The following SLC35F1 variants were observed in gnomAD, a reference collection of about 807,000 sequenced individuals.
The protein encoded by SLC35F1 is chromosome 6 open reading frame 169.
A neutral mutation model predicts 48.7 loss-of-function variants in SLC35F1; 14 were observed. The observed-to-expected ratio is 0.29, with a 90% CI of 0.19 to 0.45. The LOEUF (loss-of-function observed/expected upper bound fraction) is 0.45. Ranked by LOEUF, SLC35F1 falls within the 20% of genes least tolerant of loss-of-function variation. The probability of loss-of-function intolerance (pLI) is 1.00; values close to 1 mark genes in which losing one functional copy is unlikely to be tolerated. For missense variants in SLC35F1, 404 were observed against 500.0 expected (o/e 0.81, Z 1.83); for synonymous variants, 190 against 202.2 (o/e 0.94, Z 0.51).
intron 1 of SLC35F1, among the ~76,000 whole-genome samples, chr6:118,098,994 G>A (rs1773218658): frequency 6.6e-6 from 1 of 152,058 alleles, no homozygotes; most frequent in Admixed American, 6.5e-5. Context: ...AATGATGAAT[G>A]TTAGTGTTGG....
Position 117,907,313 on chromosome 6 carries a change from G to A in SLC35F1, c.-414G>A, listed in dbSNP as rs1205941787. Among the ~76,000 whole-genome samples, 1 of 150,826 alleles carries A rather than the reference G, an allele frequency of 6.6e-6. No individual in the cohort carries two copies. The highest frequency in any genetic ancestry group is 1.5e-5 in the Non-Finnish European group (1 of 67,672). ...CGGGGCACAGGCTGAGGCGGCGCCA[G>A]CACAACTGCCGCCGCGCGCCCCGAG... On this transcript the variant is annotated 5_prime_UTR_variant, in exon 1 of 8. Coordinates refer to ENST00000360388, the MANE Select transcript of SLC35F1 (RefSeq NM_001029858.4).
At chr6:118,116,120 C>T (rs1212123261) in intron 1 of SLC35F1, among the ~76,000 whole-genome samples, 1 of 152,108 alleles carries the variant, frequency 6.6e-6, no homozygotes, top group Admixed American at 6.6e-5. Context: ...TGTATAGTGC[C>T]CCCAAGTGCT....
rs1554216681 is a variant in SLC35F1, at chr6:117,923,651, G to GTACATATA, written c.173+15759_173+15760insATACATAT. Reference sequence around the variant, plus strand: ...TACATATATGTACATATGTACATATGTACATATGTATATATACATATATGT... The same window carrying GTACATATA: ...TACATATATGTACATATGTACATATGTACATATATACATATGTATATATACATATATGT... On this transcript the variant is annotated intron_variant, in intron 1 of 7. Coordinates refer to ENST00000360388, the MANE Select transcript of SLC35F1 (RefSeq NM_001029858.4). Among the ~76,000 whole-genome samples the GTACATATA allele has an allele frequency of 2.1e-3, 36 of 17,496 alleles. 4 individuals are homozygous for GTACATATA. The South Asian group carries it at 0.03, about 14-fold the overall frequency. The allele number at this position is 17,496 out of a possible 152,430, so 11.5% of individuals were successfully genotyped here.
chr6:118,050,028 T>C (rs1772363771), intron 1 of SLC35F1, among the ~76,000 whole-genome samples: 1 of 152,158 alleles, frequency 6.6e-6, no homozygotes, highest in South Asian at 2.1e-4. Flanking sequence ...TGGAATACTA[T>C]GCAGCCATAA....
chr6:118,068,945 A>G (rs968296327), intron 1 of SLC35F1, among the ~76,000 whole-genome samples: 3 of 152,200 alleles, frequency 2.0e-5, no homozygotes, highest in African/African-American at 7.2e-5. Context: ...ATCAATTAAA[A>G]GAAAAATATT....
rs146158362 is a variant in SLC35F1 at position 118,062,471 on chromosome 6, G to A, written c.174-91974G>A. ...ATAATAATTACATCATGGAGAATGGGATATCCACCCCCTCAAGCATTTATC... is the reference window on the plus strand; with the variant it reads ...ATAATAATTACATCATGGAGAATGGAATATCCACCCCCTCAAGCATTTATC... On this transcript the variant is annotated intron_variant, in intron 1 of 7. Coordinates refer to ENST00000360388, the MANE Select transcript of SLC35F1 (RefSeq NM_001029858.4). Among the ~76,000 whole-genome samples, 1,158 of 152,186 alleles carry A rather than the reference G, an allele frequency of 7.6e-3. 13 individuals carry two copies. The highest frequency in any genetic ancestry group is 0.024 in the Middle Eastern group (7 of 294).
chr6:118,215,605 G>T (rs970881555), intron 2 of SLC35F1, among the ~76,000 whole-genome samples: 4 of 152,198 alleles, frequency 2.6e-5, no homozygotes, highest in African/African-American at 9.6e-5. Flanking sequence ...GGACAGAGAG[G>T]TGAGGCATCT....
intron 1 of SLC35F1, among the ~76,000 whole-genome samples, chr6:118,049,726 A>T (rs1772356899): frequency 6.6e-6 from 1 of 152,006 alleles, no homozygotes. Context: ...CAGGTGCTGG[A>T]GAGGATGTGG....
chr6:118,232,515 T>C (rs1401399713), intron 2 of SLC35F1, among the ~76,000 whole-genome samples: 2 of 122,250 alleles, frequency 1.6e-5, no homozygotes, highest in Non-Finnish European at 3.2e-5. Flanking sequence ...GCCATTGCAC[T>C]CCAGCCTGGG....
At chr6:118,127,754 G>C (rs1582680816) in intron 1 of SLC35F1, among the ~76,000 whole-genome samples, 1 of 151,856 alleles carries the variant, frequency 6.6e-6, no homozygotes, top group African/African-American at 2.4e-5. Flanking sequence ...GCATGGGCAA[G>C]GACTTCATGT....
intron 1 of SLC35F1, among the ~76,000 whole-genome samples, chr6:117,924,074 TGC>T (rs1775985534): frequency 1.3e-5 from 2 of 149,336 alleles, no homozygotes; most frequent in Non-Finnish European, 3.0e-5. Flanking sequence ...TAGGTACACA[TGC>T]ATATGTATAT....
At chr6:118,168,262 G>C (rs1774348734) in intron 2 of SLC35F1, among the ~76,000 whole-genome samples, 1 of 152,006 alleles carries the variant, frequency 6.6e-6, no homozygotes, top group Non-Finnish European at 1.5e-5. Flanking sequence ...AGACCAGAAG[G>C]CTATTTTGAT....
At chr6:117,966,906 A>G (rs933403850) in intron 1 of SLC35F1, among the ~76,000 whole-genome samples, 2 of 152,220 alleles carry the variant, frequency 1.3e-5, no homozygotes, top group Non-Finnish European at 2.9e-5. Context: ...TGTGGGGGAC[A>G]CAATTCAGTG....
At position 118,071,200 on chromosome 6, in the gene SLC35F1, A is replaced by AGT. The variant is rs1350203621; in HGVS notation, c.174-83244_174-83243dup. 3.3e-3 allele frequency among the ~76,000 whole-genome samples: 475 copies of AGT among 141,844 alleles called. 6 individuals are homozygous for AGT. Among genetic ancestry groups the AGT allele is most frequent in the African/African-American group, 0.013 (455 of 36,180 alleles). The allele number at this position is 141,844 out of a possible 152,430, so 93.1% of individuals were successfully genotyped here. ...ATACTATGTGTGTATATACACACAT[A>AGT]GTATATATATATACTATGTGTATAT... On this transcript the variant is annotated intron_variant, in intron 1 of 7. Coordinates refer to ENST00000360388, the MANE Select transcript of SLC35F1 (RefSeq NM_001029858.4).
At chr6:118,127,843 C>A (rs1301771761) in intron 1 of SLC35F1, among the ~76,000 whole-genome samples, 1 of 150,600 alleles carries the variant, frequency 6.6e-6, no homozygotes, top group Admixed American at 6.6e-5. Context: ...TTCTGCACAG[C>A]AAAAGAAACT....
chr6:118,162,347 C>T (rs528247482), intron 2 of SLC35F1, among the ~76,000 whole-genome samples: 2 of 152,234 alleles, frequency 1.3e-5, no homozygotes, highest in South Asian at 2.1e-4. Flanking sequence ...GAGAATAGAT[C>T]AGTGGTTTCC....
At chr6:117,962,255 T>C (rs544031335) in intron 1 of SLC35F1, among the ~76,000 whole-genome samples, 5 of 152,180 alleles carry the variant, frequency 3.3e-5, no homozygotes, top group Non-Finnish European at 7.3e-5. Context: ...TCTTGAGTAC[T>C]GTGTGTAGAT....
In SLC35F1 at chr6:117,907,747, G is replaced by A. The variant is rs773472432; in HGVS notation, c.21G>A (p.Pro7=). The change falls in exon 1 of 8, where the codon CCG becomes CCA. Residue 7 remains proline, a synonymous_variant. Coordinates refer to ENST00000360388, the MANE Select transcript of SLC35F1 (RefSeq NM_001029858.4). MIPPEQ[P]QQQLQPPSPA... ...CCGCGATGATCCCCCCTGAGCAGCC[G>A]CAGCAGCAGCTGCAGCCGCCGTCGC... is the stretch of plus-strand genomic sequence containing the variant. 3.2e-6 allele frequency: 5 copies of A among 1,552,198 alleles called. No homozygotes were observed. In the South Asian group the frequency reaches 4.6e-5, roughly 14 times the overall value.
At chr6:118,162,396 G>A (rs1005493621) in intron 2 of SLC35F1, among the ~76,000 whole-genome samples, 1 of 152,132 alleles carries the variant, frequency 6.6e-6, no homozygotes. Flanking sequence ...TGACTGCAAA[G>A]GGCACAAGGA....
Sources: allele counts gnomAD v4.1 joint callset (sites outside exome capture counted in the v4.1 genomes callset), GRCh38; gene constraint gnomAD v4.1.1; transcripts MANE v1.5; gene names NCBI Gene and HGNC (gene_info 2026-07-23, HGNC 2026-07-21).